The following TRIM66 variants were observed in gnomAD, a reference collection of about 807,000 sequenced individuals.
TRIM66 encodes the protein tripartite motif containing 66.
TRIM66 carries 99 observed loss-of-function variants against 148.2 expected under a neutral mutation model. The ratio of observed to expected loss-of-function variants is 0.67; its 90% confidence interval spans 0.57 to 0.79. The LOEUF is 0.79. Among genes scored for constraint, TRIM66 ranks in the 30% least tolerant of loss-of-function variants. TRIM66 has a pLI of 0.00. For synonymous variants in TRIM66, 616 were observed against 635.9 expected (o/e 0.97, Z 0.47); for missense variants, 1,666 against 1,697.9 (o/e 0.98, Z 0.33).
Position 8,640,400 on chromosome 11 carries a change from G to C in TRIM66, c.1975C>G (p.Leu659Val). 6.4e-7 allele frequency: 1 copy of C among 1,551,912 alleles called. No individual in the cohort carries two copies. The highest frequency in any genetic ancestry group is 8.7e-7 in the Non-Finnish European group (1 of 1,147,046). ...NMDIMHHKFE[L>V]EEMQKDLELL... ...TCCAAGTCCTTCTGCATTTCCTCCA[G>C]CTCAAACTTGTGATGCATTATGTCC... The change falls in exon 14 of 25, where the codon CTG becomes GTG. Residue 659 changes from leucine to valine, a missense_variant. Leu to Val is a conservative substitution (Grantham distance 32). Around this residue, in one of 3 missense-constraint regions of TRIM66, gnomAD observed 1,431 missense variants for 1,412.4 expected, o/e 1.01. Coordinates refer to ENST00000646038, the MANE Select transcript of TRIM66 (RefSeq NM_001388022.1).
chr11:8,620,206 C>A, intron 21 of TRIM66, 82 bp from the exon 22 acceptor site: 1 of 1,403,104 alleles, frequency 7.1e-7, no homozygotes, highest in Non-Finnish European at 9.8e-7. Flanking sequence ...CCTGATAACT[C>A]CCTGGCTCTG....
chr11:8,635,927 G>C (rs537260193), intron 15 of TRIM66, among the ~76,000 whole-genome samples: 1 of 152,256 alleles, frequency 6.6e-6, no homozygotes, highest in South Asian at 2.1e-4. Context: ...AGCATTTTCT[G>C]CATGGCTTCC....
intron 15 of TRIM66, among the ~76,000 whole-genome samples, chr11:8,632,044 T>C (rs750889729): frequency 4.6e-5 from 7 of 152,162 alleles, no homozygotes; most frequent in Admixed American, 2.6e-4. Context: ...GAAAACAGAT[T>C]GGTGAATTAA....
intron 6 of TRIM66, among the ~76,000 whole-genome samples, chr11:8,669,861 T>C (rs1475171343): frequency 1.3e-5 from 2 of 152,142 alleles, no homozygotes; most frequent in Admixed American, 6.5e-5. Context: ...TTATTTCTTT[T>C]AAGTTTTATT....
intron 15 of TRIM66, among the ~76,000 whole-genome samples, chr11:8,637,741 C>A (rs187945590): frequency 6.4e-4 from 98 of 152,180 alleles, no homozygotes; most frequent in African/African-American, 2.2e-3. Context: ...GAGTTCAGAA[C>A]ACCTGACAGA....
upstream of TRIM66, chr11:8,682,757 T>A (rs2039504936): frequency 6.2e-7 from 1 of 1,612,786 alleles, no homozygotes; most frequent in African/African-American, 1.3e-5. Flanking sequence ...CCCGCCCCCG[T>A]GGCCGATACC....
At chr11:8,682,860 C>T, upstream of TRIM66, 1 of 1,597,746 alleles carries the variant, frequency 6.3e-7, no homozygotes, top group Non-Finnish European at 8.5e-7. Context: ...CCGGCGGAGA[C>T]CCCTAAGCTG....
intron 15 of TRIM66, among the ~76,000 whole-genome samples, chr11:8,627,109 C>T (rs978612031): frequency 1.1e-4 from 17 of 152,166 alleles, no homozygotes; most frequent in African/African-American, 3.9e-4. Context: ...TACCACAATC[C>T]GTGATATCAT....
chr11:8,678,249 C>A (rs993576875), intron 3 of TRIM66: 2 of 151,680 alleles, frequency 1.3e-5, no homozygotes. Flanking sequence ...GCAAAGAATA[C>A]AATAAGAATT....
chr11:8,665,424 T>C lies in TRIM66; in HGVS notation c.340+6362A>G, dbSNP rs542581445. 4.6e-5 allele frequency among the ~76,000 whole-genome samples: 7 copies of C among 152,382 alleles called. No individual in the cohort carries two copies. In the South Asian group the frequency reaches 1.4e-3, roughly 32 times the overall value. Reference sequence around the variant, plus strand: ...GTACGTGGACAACTTACCTGAGTTATTGATCCTTTGCTTGAACTTTAAACA... The same window carrying C: ...GTACGTGGACAACTTACCTGAGTTACTGATCCTTTGCTTGAACTTTAAACA... On this transcript the variant is annotated intron_variant, in intron 6 of 24. Transcript: ENST00000646038.
At chr11:8,645,363 T>C (rs947347553) in intron 12 of TRIM66, among the ~76,000 whole-genome samples, 44 of 152,258 alleles carry the variant, frequency 2.9e-4, no homozygotes, top group Non-Finnish European at 2.5e-4. Flanking sequence ...CTCCAACTCC[T>C]TTTCTCTCAG....
chr11:8,673,829 T>C (rs117184436), intron 4 of TRIM66, among the ~76,000 whole-genome samples: 2,796 of 152,362 alleles, frequency 0.018, 36 homozygotes, highest in Middle Eastern at 0.11. Context: ...ATACAAATCA[T>C]TTAATTCAAA....
At chr11:8,629,280 T>C (rs1165152142) in intron 15 of TRIM66, among the ~76,000 whole-genome samples, 1 of 152,232 alleles carries the variant, frequency 6.6e-6, no homozygotes, top group African/African-American at 2.4e-5. Flanking sequence ...CGTTTTGCAA[T>C]ATATGACAGT....
At chr11:8,622,955 C>T in intron 17 of TRIM66, 79 bp from the exon 18 acceptor site, 5 of 1,242,710 alleles carry the variant, frequency 4.0e-6, no homozygotes, top group Non-Finnish European at 5.8e-6. Flanking sequence ...CTACTTATAT[C>T]TGCTATTCAT....
chr11:8,626,659 C>T (rs1238498939), intron 15 of TRIM66, among the ~76,000 whole-genome samples: 1 of 152,230 alleles, frequency 6.6e-6, no homozygotes, highest in African/African-American at 2.4e-5. Flanking sequence ...GTAGTAGCCT[C>T]TTCAATGGAG....
At chr11:8,639,159 C>G (rs1310417098) in intron 14 of TRIM66, among the ~76,000 whole-genome samples, 1 of 152,162 alleles carries the variant, frequency 6.6e-6, no homozygotes, top group African/African-American at 2.4e-5. Flanking sequence ...TTCTATATCT[C>G]CTCAAAAGAA....
intron 15 of TRIM66, among the ~76,000 whole-genome samples, chr11:8,635,291 C>T (rs2035778492): frequency 6.6e-6 from 1 of 152,096 alleles, no homozygotes; most frequent in Non-Finnish European, 1.5e-5. Context: ...AAGTGGCTTC[C>T]TCATAGTATT....
At chr11:8,625,842 C>A (rs767992415) in intron 15 of TRIM66, among the ~76,000 whole-genome samples, 1 of 152,160 alleles carries the variant, frequency 6.6e-6, no homozygotes, top group Non-Finnish European at 1.5e-5. Flanking sequence ...ACTGCAGGGC[C>A]TTCTTATGGG....
In TRIM66 at chr11:8,619,436, C is replaced by A; in HGVS notation, c.3847G>T (p.Glu1283Ter). Residue 1283 changes from glutamate to a stop codon, truncating the protein, a stop_gained, in exon 23 of 25, where the codon GAG becomes TAG. Transcript: ENST00000646038. LOFTEE classifies it high-confidence loss of function. The part of the protein sequence containing the change: ...KDPAHYTTPE[E>*]VVSDVRLMFW... Reference sequence around the variant, plus strand: ...ATGAGGCGCACATCTGATACCACCTCCTCTGGGGTGGTATAGTGAGCTGGG... The same window carrying A: ...ATGAGGCGCACATCTGATACCACCTACTCTGGGGTGGTATAGTGAGCTGGG... 6.4e-7 allele frequency: 1 copy of A among 1,550,468 alleles called. No individual in the cohort carries two copies. The highest frequency in any genetic ancestry group is 8.7e-7 in the Non-Finnish European group (1 of 1,146,546).
Sources: allele counts gnomAD v4.1 joint callset (sites outside exome capture counted in the v4.1 genomes callset), GRCh38; gene constraint gnomAD v4.1.1; regional missense constraint gnomAD v4.1.1; transcripts MANE v1.5; gene names NCBI Gene and HGNC (gene_info 2026-07-23, HGNC 2026-07-21).